The following AGMO variants were observed in gnomAD, a reference collection of about 807,000 sequenced individuals.
AGMO encodes the protein alkylglycerol monooxygenase.
In AGMO, 75 loss-of-function variants were observed where a neutral mutation model predicts 60.2. The ratio of observed to expected loss-of-function variants is 1.25; its 90% CI spans 1.03 to 1.51. The LOEUF is 1.51. Among genes scored for constraint, AGMO ranks in the 40% most tolerant of loss-of-function variants. AGMO has a pLI of 0.00. For missense variants in AGMO, 763 were observed against 525.5 expected, an observed-to-expected ratio of 1.45 and a Z score of -4.42; for synonymous variants, 261 against 177.1, an observed-to-expected ratio of 1.47 and a Z score of -3.76.
At chr7:15,341,083 C>T (rs564564425) in intron 12 of AGMO, among the ~76,000 whole-genome samples, 138 of 152,122 alleles carry the variant, frequency 9.1e-4, no homozygotes, top group Non-Finnish European at 1.6e-3. Flanking sequence ...CAAAGGAAAT[C>T]ATTTCAGAGC....
At chr7:15,312,094 A>G (rs1023681155) in intron 12 of AGMO, among the ~76,000 whole-genome samples, 1 of 152,054 alleles carries the variant, frequency 6.6e-6, no homozygotes, top group African/African-American at 2.4e-5. Flanking sequence ...AGAGAGAAAG[A>G]AAGAGAAACA....
intron 12 of AGMO, among the ~76,000 whole-genome samples, chr7:15,337,626 G>C (rs1380867308): frequency 6.6e-6 from 1 of 152,108 alleles, no homozygotes; most frequent in African/African-American, 2.4e-5. Context: ...GAAAATGAGA[G>C]GGCCAACTGC....
intron 12 of AGMO, among the ~76,000 whole-genome samples, chr7:15,327,363 A>G (rs1419817782): frequency 6.6e-6 from 1 of 152,206 alleles, no homozygotes; most frequent in Non-Finnish European, 1.5e-5. Context: ...TGGCAAATTA[A>G]TCAGCTACCA....
intron 6 of AGMO, among the ~76,000 whole-genome samples, chr7:15,393,291 G>C (rs1261908572): frequency 1.3e-5 from 2 of 152,156 alleles, no homozygotes; most frequent in Non-Finnish European, 2.9e-5. Flanking sequence ...GGGTTGCCGA[G>C]GAAGACTGGA....
At chr7:15,345,009 T>C (rs780794503) in intron 12 of AGMO, among the ~76,000 whole-genome samples, 1 of 152,204 alleles carries the variant, frequency 6.6e-6, no homozygotes, top group Non-Finnish European at 1.5e-5. Flanking sequence ...ACTGTCCTCG[T>C]TCAAGCCACT....
At chr7:15,302,418 G>T (rs558474697) in intron 12 of AGMO, among the ~76,000 whole-genome samples, 4 of 152,038 alleles carry the variant, frequency 2.6e-5, no homozygotes, top group African/African-American at 9.7e-5. Flanking sequence ...AATAAAGTTG[G>T]TATGGCAATA....
intron 12 of AGMO, among the ~76,000 whole-genome samples, chr7:15,289,361 C>A (rs1784191556): frequency 6.6e-6 from 1 of 151,632 alleles, no homozygotes. Context: ...CTATAAGATT[C>A]CGAGTTTGTT....
At chr7:15,394,034 G>A (rs878886947) in intron 6 of AGMO, 79 bp downstream of exon 6, 18 of 1,019,576 alleles carry the variant, frequency 1.8e-5, no homozygotes, top group Middle Eastern at 4.2e-4. Flanking sequence ...GGGAAATTGT[G>A]ATTAAATGAG....
chr7:15,354,382 A>AGATG (rs1563105118), intron 12 of AGMO, among the ~76,000 whole-genome samples: 1 of 47,694 alleles, frequency 2.1e-5, no homozygotes, highest in Non-Finnish European at 3.6e-5. Flanking sequence ...GTGTGTATAC[A>AGATG]CGTGTGTGTA....
At chr7:15,488,520 T>C (rs1007559782) in intron 3 of AGMO, among the ~76,000 whole-genome samples, 32 of 152,176 alleles carry the variant, frequency 2.1e-4, no homozygotes, top group African/African-American at 6.8e-4. Flanking sequence ...TAGTTAATTA[T>C]GGAGCATATA....
intron 12 of AGMO, among the ~76,000 whole-genome samples, chr7:15,328,881 A>G (rs1583414208): frequency 6.6e-6 from 1 of 151,638 alleles, no homozygotes; most frequent in East Asian, 1.9e-4. Flanking sequence ...ATGATTTTCC[A>G]TTTCTTTCCT....
chr7:15,166,990 T>C, the AGMO span, among the ~76,000 whole-genome samples: 2 of 152,188 alleles, frequency 1.3e-5, no homozygotes, highest in African/African-American at 2.4e-5. Context: ...GGAGAAAAGA[T>C]AATAGAGAGT....
chr7:15,371,770 T>C (rs1293114985), intron 10 of AGMO, among the ~76,000 whole-genome samples: 1 of 152,006 alleles, frequency 6.6e-6, no homozygotes, highest in Admixed American at 6.6e-5. Context: ...CTCAAACTCC[T>C]GGACTCAAGT....
At chr7:15,294,159 T>A in intron 12 of AGMO, among the ~76,000 whole-genome samples, 1 of 152,064 alleles carries the variant, frequency 6.6e-6, no homozygotes. Context: ...ACTATTTAGA[T>A]TCATAGTAAA....
the AGMO span, among the ~76,000 whole-genome samples, chr7:15,166,148 G>C: frequency 2.6e-4 from 39 of 152,178 alleles, no homozygotes; most frequent in African/African-American, 8.7e-4. Flanking sequence ...CGATTCTAGA[G>C]ACGTGAGAAG....
rs746314164 is a variant in AGMO, at chr7:15,382,341, T to C, written c.1074+3105A>G. Reference sequence around the variant, plus strand: ...ACTGTGCTGATTTTGTCCAGGTATATACGAGGAATGTGCTCGGGGGAAGTG... The same window carrying C: ...ACTGTGCTGATTTTGTCCAGGTATACACGAGGAATGTGCTCGGGGGAAGTG... On this transcript the variant is annotated intron_variant, in intron 10 of 12. Coordinates refer to ENST00000342526, the MANE Select transcript of AGMO (RefSeq NM_001004320.2). 1.1e-4 allele frequency among the ~76,000 whole-genome samples: 17 copies of C among 152,100 alleles called. 1 individual carries two copies. The highest frequency in any genetic ancestry group is 9.8e-4 in the Admixed American group (15 of 15,260).
chr7:15,553,470 C>G (rs1008917188), intron 2 of AGMO, among the ~76,000 whole-genome samples: 1 of 151,994 alleles, frequency 6.6e-6, no homozygotes, highest in African/African-American at 2.4e-5. Context: ...TGGATTCAGG[C>G]AGTCATTCAA....
At chr7:15,289,969 T>A (rs1384797406) in intron 12 of AGMO, among the ~76,000 whole-genome samples, 2 of 145,414 alleles carry the variant, frequency 1.4e-5, no homozygotes, top group Non-Finnish European at 3.0e-5. Flanking sequence ...TTTTTTTTTT[T>A]TAGATGGAGT....
At position 15,402,515 on chromosome 7, in the gene AGMO, C is replaced by G. The variant is rs184124891; in HGVS notation, c.610-8336G>C. ...TCTGTGCTCCTTCAATAAGATATTC[C>G]CATATTCTCATTTGCAGATGGAAAA... On this transcript the variant is annotated intron_variant, in intron 5 of 12. Transcript: ENST00000342526. Among the ~76,000 whole-genome samples, 157 of 150,426 alleles carry G rather than the reference C, an allele frequency of 1.0e-3. 1 individual carries two copies. Among genetic ancestry groups the G allele is most frequent in the Non-Finnish European group, 1.5e-3 (102 of 67,552 alleles).
Sources: gnomAD v4.1 joint callset for allele counts (sites outside exome capture counted in the v4.1 genomes callset) on GRCh38, gnomAD v4.1.1 for gene constraint, MANE v1.5 for transcripts, NCBI Gene and HGNC (gene_info 2026-07-23, HGNC 2026-07-21) for gene names.